TMC8: variants seen among roughly 807,000 people sequenced by gnomAD.
The protein encoded by TMC8 is transmembrane channel-like protein 8.
Under a neutral mutation model 76.0 loss-of-function variants are expected in TMC8, and 71 were observed. The ratio of observed to expected loss-of-function variants is 0.93; its 90% confidence interval spans 0.77 to 1.14. TMC8 has a LOEUF of 1.14. TMC8 is among the 50% of genes most tolerant of loss of function. The probability of loss-of-function intolerance (pLI) is 0.00; values close to 1 mark genes in which losing one functional copy is unlikely to be tolerated. For synonymous variants in TMC8, 433 were observed against 433.8 expected, an observed-to-expected ratio of 1.00 and a Z score of 0.02; for missense variants, 924 against 947.9, an observed-to-expected ratio of 0.97 and a Z score of 0.33.
In TMC8 at chr17:78,131,261, T is replaced by C. The variant is rs965019911; in HGVS notation, c.-308-20T>C. 3 of 472,706 alleles carry C rather than the reference T, an allele frequency of 6.3e-6. No individual in the cohort carries two copies. Among genetic ancestry groups the C allele is most frequent in the African/African-American group, 6.0e-5 (3 of 50,026 alleles). 29.3% of individuals were successfully genotyped at this position (472,706 alleles called of 1,614,324 possible). A position where few individuals can be genotyped will look rare whatever the true frequency, so the allele number is the denominator to read the frequency against. On this transcript the variant is annotated intron_variant, in intron 1 of 15. Coordinates refer to ENST00000318430, the MANE Select transcript of TMC8 (RefSeq NM_152468.5). Reference sequence around the variant, plus strand: ...GTCCAGACTTTCTGTGCCCTTTGGATCTTTCACCCCATTTGACAGATGGGG... The same window carrying C: ...GTCCAGACTTTCTGTGCCCTTTGGACCTTTCACCCCATTTGACAGATGGGG...
At position 78,132,476 on chromosome 17, in the gene TMC8, G is replaced by A. The variant is rs549283975; in HGVS notation, c.416G>A (p.Arg139His). Residue 139 changes from arginine to histidine, a missense_variant, in exon 4 of 16, where the codon CGC (arginine) becomes CAC (histidine). Arg to His is a conservative substitution (Grantham distance 29). Transcript: ENST00000318430. ...GTGCTGCTGCCCCTGGTCTGGCTCCGCCCCCCTGACCCAGGCCCCACCCTG... is the reference window on the plus strand; with the variant it reads ...GTGCTGCTGCCCCTGGTCTGGCTCCACCCCCCTGACCCAGGCCCCACCCTG... ...SFVLLPLVWL[R>H]PPDPGPTLNL... 35 of 1,611,390 alleles carry A rather than the reference G, an allele frequency of 2.2e-5. No homozygotes were observed. In the South Asian group the frequency reaches 3.2e-4, roughly 15 times the overall value.
chr17:78,134,114 T>C, intron 7 of TMC8, 114 bp downstream of exon 7: 1 of 1,483,044 alleles, frequency 6.7e-7, no homozygotes, highest in Admixed American at 1.7e-5. Flanking sequence ...CCAGTGTGTG[T>C]GAGCGTGTGT....
rs753745214 is a variant in TMC8 at position 78,133,501 on chromosome 17, G to A, written c.627G>A (p.Pro209=). ...YSIRLAYLLS[P]LACLLLCFCG... is the part of the protein sequence containing the mutation. ...TCCGCCTGGCCTACCTCCTCAGCCC[G>A]CTGGCCTGCCTGCTCCTCTGCTTCT... Residue 209 remains proline (P), a synonymous_variant, in exon 6 of 16, where the codon CCG becomes CCA. Coordinates refer to ENST00000318430, the MANE Select transcript of TMC8 (RefSeq NM_152468.5). 16 of 1,613,326 alleles carry A rather than the reference G, an allele frequency of 9.9e-6. No individual in the cohort carries two copies. Among genetic ancestry groups the A allele is most frequent in the African/African-American group, 8.0e-5 (6 of 74,924 alleles).
chr17:78,133,782 G>T, intron 6 of TMC8, 71 bp from the exon 7 acceptor site: 1 of 1,608,436 alleles, frequency 6.2e-7, no homozygotes, highest in Non-Finnish European at 8.5e-7. Context: ...CAGACCCAGA[G>T]CCGAGCCAAG....
At position 78,132,870 on chromosome 17, in the gene TMC8, G is replaced by C; in HGVS notation, c.531G>C (p.Arg177Ser). Residue 177 changes from arginine (R) to serine (S), a missense_variant and splice_region_variant, in exon 5 of 16, where the codon AGG becomes AGC. Coordinates refer to ENST00000318430, the MANE Select transcript of TMC8 (RefSeq NM_152468.5). ...AACTTTGGCATGTTTTGACTGGCAG[G>C]GTGAGTGAGGTCTGTCCCGGCTATG... ...HNQLWHVLTGRAFTNTYLFYG... is the reference protein window; with the variant it reads ...HNQLWHVLTGSAFTNTYLFYG... 6.2e-7 allele frequency: 1 copy of C among 1,614,182 alleles called. No individual in the cohort carries two copies. The highest frequency in any genetic ancestry group is 8.5e-7 in the Non-Finnish European group (1 of 1,180,014).
chr17:78,141,271 CAT>C lies in TMC8; in HGVS notation c.*162_*163del, dbSNP rs775096420. On this transcript the variant is annotated 3_prime_UTR_variant, in exon 16 of 16. Transcript: ENST00000318430. ...ACAACCCCAGCGGCAGCAGGAAAAACATATGGGAATTTTCTTTCTATATTTTA... is the reference window on the plus strand; with the variant it reads ...ACAACCCCAGCGGCAGCAGGAAAAACATGGGAATTTTCTTTCTATATTTTA... 25 of 412,770 alleles carry C rather than the reference CAT, an allele frequency of 6.1e-5. No individual in the cohort carries two copies. The highest frequency in any genetic ancestry group is 9.8e-5 in the Non-Finnish European group (23 of 234,308). The allele number at this position is 412,770 out of a possible 1,614,324, so 25.6% of individuals were successfully genotyped here. A position where few individuals can be genotyped will look rare whatever the true frequency, so the allele number is the denominator to read the frequency against.
At chr17:78,138,873 A>G (rs1358048693) in intron 14 of TMC8, 141 bp downstream of exon 14, 3 of 1,539,170 alleles carry the variant, frequency 1.9e-6, no homozygotes, top group Admixed American at 2.0e-5. Flanking sequence ...GAAAAGCAGG[A>G]ACCTCCTGGG....
At chr17:78,132,720 G>A in intron 4 of TMC8, 68 bp from the exon 5 acceptor site, 1 of 1,571,588 alleles carries the variant, frequency 6.4e-7, no homozygotes, top group Admixed American at 1.7e-5. Context: ...GGGTTATAGA[G>A]CAGTAGCCGC....
chr17:78,132,617 C>G, intron 4 of TMC8, 109 bp downstream of exon 4: 1 of 1,518,160 alleles, frequency 6.6e-7, no homozygotes, highest in Non-Finnish European at 8.9e-7. Context: ...TCCTGCCGTG[C>G]AGGCCCCGGG....
At chr17:78,137,904 C>G in intron 11 of TMC8, 90 bp downstream of exon 11, 1 of 1,596,888 alleles carries the variant, frequency 6.3e-7, no homozygotes, top group Non-Finnish European at 8.5e-7. Context: ...TGAGCGGGTC[C>G]AGTGTGGAGC....
At chr17:78,137,098 A>C in intron 9 of TMC8, 137 bp from the exon 10 acceptor site, 2 of 1,380,578 alleles carry the variant, frequency 1.4e-6, no homozygotes, top group Non-Finnish European at 9.9e-7. Flanking sequence ...ACATTGCCAC[A>C]GACAGAGCAG....
chr17:78,141,436 A>G lies in TMC8; in HGVS notation c.*324A>G. The G allele has an allele frequency of 4.3e-6, 1 of 234,892 alleles. No homozygotes were observed. Among genetic ancestry groups the G allele is most frequent in the Non-Finnish European group, 8.2e-6 (1 of 121,356 alleles). The allele number at this position is 234,892 out of a possible 1,614,324, so 14.6% of individuals were successfully genotyped here. A position where few individuals can be genotyped will look rare whatever the true frequency, so the allele number is the denominator to read the frequency against. On this transcript the variant is annotated 3_prime_UTR_variant, in exon 16 of 16. Transcript: ENST00000318430. ...TTTTAGAGCCATGAGTGCAATTTAT[A>G]CACATACATCTATTGGGAATGCTCA...
chr17:78,139,170 T>C lies in TMC8; in HGVS notation c.1832T>C (p.Leu611Pro). 6.2e-7 allele frequency: 1 copy of C among 1,613,732 alleles called. No individual in the cohort carries two copies. The highest frequency in any genetic ancestry group is 8.5e-7 in the Non-Finnish European group (1 of 1,180,030). The change falls in exon 15 of 16, where the codon CTG becomes CCG. Residue 611 changes from leucine to proline, a missense_variant. By Grantham distance (98) the Leu-to-Pro change is moderately conservative. Transcript: ENST00000318430. Reference protein sequence around the residue: ...FPLLIMLSLVLTVCVSQTQAN... With the variant: ...FPLLIMLSLVPTVCVSQTQAN... ...TCCCCTTCCCACCCAAGCCTTGTCC[T>C]GACGGTGTGCGTCTCCCAGACCCAG...
In TMC8 at chr17:78,132,082, C is replaced by G. The variant is rs533747613; in HGVS notation, c.298+52C>G. On this transcript the variant is annotated intron_variant, in intron 3 of 15. Coordinates refer to ENST00000318430, the MANE Select transcript of TMC8 (RefSeq NM_152468.5). ...CCTTGCCCTCTCTGGAGCCCCACTG[C>G]CCAGATCGGAAAAAGGAGAGTGGCA... 1.5e-4 allele frequency: 232 copies of G among 1,533,996 alleles called. 1 individual carries two copies. In the African/African-American group the frequency reaches 2.9e-3, roughly 19 times the overall value.
rs545999151 is a variant in TMC8, at chr17:78,134,443, G to C, written c.866G>C (p.Arg289Pro). The C allele has an allele frequency of 3.1e-6, 5 of 1,613,634 alleles. No homozygotes were observed. Among genetic ancestry groups the C allele is most frequent in the Non-Finnish European group, 4.2e-6 (5 of 1,180,030 alleles). Residue 289 changes from arginine (R) to proline (P), a missense_variant, in exon 8 of 16, where the codon CGG becomes CCG. By Grantham distance (103) the Arg-to-Pro change is moderately radical. Coordinates refer to ENST00000318430, the MANE Select transcript of TMC8 (RefSeq NM_152468.5). ...TTCCAGCTGATGCAGCAGCAGACCC[G>C]GGCCCAGACGGCCTGCCGCCTGCTC... is the stretch of plus-strand genomic sequence containing the variant. ...RRFQLMQQQT[R>P]AQTACRLLSY...
intron 12 of TMC8, 72 bp from the exon 13 acceptor site, chr17:78,138,277 C>A (rs2075287681): frequency 3.7e-6 from 6 of 1,612,014 alleles, no homozygotes; most frequent in South Asian, 2.2e-5. Flanking sequence ...CTCCTGCCCC[C>A]TTCCCTGGGT....
intron 8 of TMC8, 117 bp downstream of exon 8, chr17:78,134,681 A>T: frequency 6.6e-7 from 1 of 1,512,000 alleles, no homozygotes; most frequent in Non-Finnish European, 9.0e-7. Flanking sequence ...TCGTGGCCAC[A>T]GGTCACGGCC....
chr17:78,136,926 G>A (rs1352595632), intron 9 of TMC8: 3 of 371,628 alleles, frequency 8.1e-6, no homozygotes, highest in Admixed American at 3.8e-5. Flanking sequence ...GTCAGAAATC[G>A]CTTGAACCCA....
Position 78,133,468 on chromosome 17 carries a change from G to T in TMC8, c.594G>T (p.Val198=). ...AYRVGPESSS[V]YSIRLAYLLS... ...GAGTGGGGCCGGAGAGCAGCTCCGT[G>T]TACAGCATCCGCCTGGCCTACCTCC... The change falls in exon 6 of 16, where the codon GTG becomes GTT. Residue 198 remains valine, a synonymous_variant. Coordinates refer to ENST00000318430, the MANE Select transcript of TMC8 (RefSeq NM_152468.5). 6.2e-7 allele frequency: 1 copy of T among 1,613,726 alleles called. No individual in the cohort carries two copies. The highest frequency in any genetic ancestry group is 8.5e-7 in the Non-Finnish European group (1 of 1,180,026).
Sources: gnomAD v4.1 joint callset for allele counts on GRCh38, gnomAD v4.1.1 for gene constraint, MANE v1.5 for transcripts, NCBI Gene and HGNC (gene_info 2026-07-23, HGNC 2026-07-21) for gene names.